Variants in PIWIL1 observed in about 807,000 individuals in gnomAD.
The protein encoded by PIWIL1 is piwi-like protein 1.
PIWIL1 carries 73 observed loss-of-function variants against 114.4 expected under a neutral mutation model. The ratio of observed to expected loss-of-function variants is 0.64; its 90% CI spans 0.53 to 0.78. PIWIL1 has a LOEUF of 0.78. Among genes scored for constraint, PIWIL1 ranks in the 30% least tolerant of loss-of-function variants. PIWIL1 has a pLI of 0.00. For synonymous variants in PIWIL1, 375 were observed against 369.0 expected (o/e 1.02, Z -0.19); for missense variants, 723 against 1,063.1 (o/e 0.68, Z 4.45).
At chr12:130,410,312 A>G in the PIWIL1 span, among the ~76,000 whole-genome samples, 3 of 151,940 alleles carry the variant, frequency 2.0e-5, no homozygotes, top group African/African-American at 7.3e-5. Context: ...ACTTGCAAGG[A>G]TTTTCTGCCA....
At chr12:130,370,539 C>T (rs907715506) in intron 19 of PIWIL1, among the ~76,000 whole-genome samples, 2 of 152,094 alleles carry the variant, frequency 1.3e-5, no homozygotes, top group Non-Finnish European at 2.9e-5. Flanking sequence ...CCTGGGCATC[C>T]GAGGATTTTG....
intron 1 of PIWIL1, among the ~76,000 whole-genome samples, chr12:130,341,879 T>C (rs1389102850): frequency 6.6e-6 from 1 of 152,184 alleles, no homozygotes; most frequent in Non-Finnish European, 1.5e-5. Flanking sequence ...CATCATGATG[T>C]TGAAGAAATG....
chr12:130,372,895 A>G (rs554860890), downstream of PIWIL1, among the ~76,000 whole-genome samples: 2 of 152,294 alleles, frequency 1.3e-5, no homozygotes, highest in East Asian at 1.9e-4. Context: ...ACCTTTAAAC[A>G]TTGCTTACAA....
At chr12:130,372,838 G>C (rs1397281412), downstream of PIWIL1, among the ~76,000 whole-genome samples, 1 of 152,080 alleles carries the variant, frequency 6.6e-6, no homozygotes, top group East Asian at 1.9e-4. Context: ...AGGAACGTTT[G>C]CAAAGAGAAG....
intron 3 of PIWIL1, among the ~76,000 whole-genome samples, chr12:130,343,649 G>A (rs541700011): frequency 4.6e-5 from 6 of 129,820 alleles, no homozygotes; most frequent in South Asian, 2.4e-4. Flanking sequence ...TTTTTGAGAC[G>A]GAGTCTCACT....
chr12:130,354,797 G>T, intron 10 of PIWIL1, 91 bp from the exon 11 acceptor site: 1 of 1,401,686 alleles, frequency 7.1e-7, no homozygotes, highest in East Asian at 2.3e-5. Context: ...TTGTCTCCTG[G>T]GAATTCCCAC....
chr12:130,415,691 T>C, the PIWIL1 span, among the ~76,000 whole-genome samples: 1 of 151,426 alleles, frequency 6.6e-6, no homozygotes, highest in African/African-American at 2.4e-5. Context: ...GGCATCCATA[T>C]AGGAAATAAG....
chr12:130,419,456 G>A, the PIWIL1 span: 819 of 152,344 alleles, frequency 5.4e-3, 4 homozygotes, highest in Admixed American at 8.2e-3. The surrounding 1 kb of genome is among the most constrained non-coding windows in gnomAD (Gnocchi z 4.3). Context: ...GGCCCAGACC[G>A]ACTGCCCTCA....
chr12:130,392,079 G>GTGTCT, the PIWIL1 span, among the ~76,000 whole-genome samples: 1 of 124,104 alleles, frequency 8.1e-6, no homozygotes, highest in South Asian at 2.8e-4. Flanking sequence ...GTCATCACGT[G>GTGTCT]GATGCATCAG....
At chr12:130,342,430 A>G (rs2072947629) in intron 1 of PIWIL1, 150 bp from the exon 2 acceptor site, 2 of 619,670 alleles carry the variant, frequency 3.2e-6, no homozygotes, top group African/African-American at 3.7e-5. Flanking sequence ...GTTACATTAA[A>G]AAAAACTGTC....
the PIWIL1 span, chr12:130,407,903 G>T: frequency 2.3e-6 from 3 of 1,326,714 alleles, no homozygotes; most frequent in Non-Finnish European, 3.3e-6. Context: ...CCTCCTTCCG[G>T]GTCACACATG....
Position 130,355,726 on chromosome 12 carries a change from C to A in PIWIL1, c.1404+59C>A. 3 of 1,193,106 alleles carry A rather than the reference C, an allele frequency of 2.5e-6. No individual in the cohort carries two copies. The East Asian group carries it at 7.0e-5, about 28-fold the overall frequency. The allele number at this position is 1,193,106 out of a possible 1,614,324, so 73.9% of individuals were successfully genotyped here. A position where few individuals can be genotyped will look rare whatever the true frequency, so the allele number is the denominator to read the frequency against. ...TTTGAGACGGAGTCTCGCTCTGTCC[C>A]CCAGGCAGGAGTACAGTGGTGCAAT... On this transcript the variant is annotated intron_variant, in intron 12 of 20. Coordinates refer to ENST00000245255, the MANE Select transcript of PIWIL1 (RefSeq NM_004764.5).
At chr12:130,419,383 A>T in the PIWIL1 span, among the ~76,000 whole-genome samples, 1 of 152,180 alleles carries the variant, frequency 6.6e-6, no homozygotes, top group African/African-American at 2.4e-5. The surrounding 1 kb of genome is among the most constrained non-coding windows in gnomAD (Gnocchi z 4.3). Flanking sequence ...TGGGCTCCCA[A>T]ATCCACTGGT....
chr12:130,374,051 G>C (rs2073847983), downstream of PIWIL1, among the ~76,000 whole-genome samples: 1 of 152,168 alleles, frequency 6.6e-6, no homozygotes, highest in South Asian at 2.1e-4. Flanking sequence ...CAGGGATTTG[G>C]TGGGTGGTTC....
In PIWIL1 at chr12:130,349,359, C is replaced by G. The variant is rs1276287445; in HGVS notation, c.855C>G (p.Asn285Lys). 2.5e-6 allele frequency: 4 copies of G among 1,613,638 alleles called. No individual in the cohort carries two copies. The East Asian group carries it at 8.9e-5, about 36-fold the overall frequency. Reference protein sequence around the residue: ...RSETVLDFMFNFYHQTEEHKF... With the variant: ...RSETVLDFMFKFYHQTEEHKF... ...AGACTGTTTTGGATTTCATGTTCAACTTTTATCATCAGACAGAAGAACATA... is the reference window on the plus strand; with the variant it reads ...AGACTGTTTTGGATTTCATGTTCAAGTTTTATCATCAGACAGAAGAACATA... Residue 285 changes from asparagine (N) to lysine (K), a missense_variant, in exon 8 of 21, where the codon AAC becomes AAG. This residue lies in a region of PIWIL1 where 190 missense variants were observed against 294.4 expected (regional missense o/e 0.65). Coordinates refer to ENST00000245255, the MANE Select transcript of PIWIL1 (RefSeq NM_004764.5).
intron 5 of PIWIL1, 38 bp from the exon 6 acceptor site, chr12:130,346,903 G>A (rs2073084538): frequency 6.3e-7 from 1 of 1,597,132 alleles, no homozygotes. Context: ...TGTCCTTTAA[G>A]GATTTAAAGT....
the PIWIL1 span, chr12:130,399,805 C>G: frequency 6.2e-7 from 1 of 1,614,132 alleles, no homozygotes; most frequent in Non-Finnish European, 8.5e-7. Flanking sequence ...TCTGCCCATT[C>G]AGCTCCCCCT....
chr12:130,346,640 T>G, intron 5 of PIWIL1, 56 bp downstream of exon 5: 1 of 1,397,388 alleles, frequency 7.2e-7, no homozygotes, highest in Non-Finnish European at 1.0e-6. Flanking sequence ...ACTACCACAA[T>G]GTAAGATAGC....
intron 9 of PIWIL1, among the ~76,000 whole-genome samples, chr12:130,352,371 G>A (rs2073235897): frequency 6.6e-6 from 1 of 152,182 alleles, no homozygotes; most frequent in Non-Finnish European, 1.5e-5. Context: ...CAGGTGTAGA[G>A]GAAAATGTTT....
Sources: gnomAD v4.1 joint callset for allele counts (sites outside exome capture counted in the v4.1 genomes callset) on GRCh38, gnomAD v4.1.1 for gene constraint, gnomAD v4.1.1 regional missense constraint, Gnocchi (gnomAD v3.1) non-coding constraint, MANE v1.5 for transcripts, NCBI Gene and HGNC (gene_info 2026-07-23, HGNC 2026-07-21) for gene names.